The following MITF variants were observed in gnomAD, a reference collection of about 807,000 sequenced individuals.
MITF encodes the protein melanocyte inducing transcription factor.
A neutral mutation model predicts 60.5 loss-of-function variants in MITF; 17 were observed. That is an observed-to-expected ratio of 0.28 (90% CI 0.19 to 0.42). MITF has a LOEUF of 0.42. MITF is among the 10% of genes least tolerant of loss of function. The probability of loss-of-function intolerance (pLI) is 1.00; values close to 1 mark genes in which losing one functional copy is unlikely to be tolerated. For missense variants in MITF, 622 were observed against 683.5 expected, an observed-to-expected ratio of 0.91 and a Z score of 1.00; for synonymous variants, 260 against 248.5, an observed-to-expected ratio of 1.05 and a Z score of -0.43.
At chr3:69,913,777 G>A (rs571320699) in intron 2 of MITF, among the ~76,000 whole-genome samples, 3 of 152,214 alleles carry the variant, frequency 2.0e-5, no homozygotes, top group Non-Finnish European at 2.9e-5. Context: ...ATGATAAAAC[G>A]AAGGCCCTTG....
chr3:69,801,880 A>G (rs867575130), intron 1 of MITF, among the ~76,000 whole-genome samples: 75 of 152,206 alleles, frequency 4.9e-4, no homozygotes, highest in African/African-American at 1.7e-3. Context: ...GGAGTAAGAG[A>G]ACTGCAATCT....
chr3:69,862,664 C>G (rs979138726), intron 1 of MITF, among the ~76,000 whole-genome samples: 2 of 152,110 alleles, frequency 1.3e-5, no homozygotes, highest in African/African-American at 4.8e-5. Flanking sequence ...TTGAATTTTT[C>G]CTTCCAAAAA....
intron 2 of MITF, among the ~76,000 whole-genome samples, chr3:69,913,279 CT>C (rs1013835027): frequency 2.6e-5 from 4 of 151,676 alleles, no homozygotes; most frequent in African/African-American, 9.7e-5. Flanking sequence ...TTATATTTGT[CT>C]TTATTCTTTT....
Position 69,967,813 on chromosome 3 carries a change from T to C in MITF, c.*2565T>C, listed in dbSNP as rs1428130034. ...CTTGTTGTTTGTAACAAGAAAATGATCCACACCACTCCCCCGATTCCCGGG... is the reference window on the plus strand; with the variant it reads ...CTTGTTGTTTGTAACAAGAAAATGACCCACACCACTCCCCCGATTCCCGGG... On this transcript the variant is annotated 3_prime_UTR_variant, in exon 10 of 10. Coordinates refer to ENST00000352241, the MANE Select transcript of MITF (RefSeq NM_001354604.2). 4.3e-6 allele frequency: 1 copy of C among 233,016 alleles called. No individual in the cohort carries two copies. The highest frequency in any genetic ancestry group is 8.5e-6 in the Non-Finnish European group (1 of 117,940). 14.4% of individuals were successfully genotyped at this position (233,016 alleles called of 1,614,324 possible).
intron 2 of MITF, among the ~76,000 whole-genome samples, chr3:69,899,585 G>C (rs2064953099): frequency 6.6e-6 from 1 of 152,080 alleles, no homozygotes; most frequent in Non-Finnish European, 1.5e-5. Context: ...TCATCTCAGG[G>C]GGTTATCATT....
At chr3:69,831,015 C>T (rs9874957) in intron 1 of MITF, among the ~76,000 whole-genome samples, 3,358 of 152,234 alleles carry the variant, frequency 0.022, 118 homozygotes, top group African/African-American at 0.076. Flanking sequence ...TAGCTGACTT[C>T]TCTACCCCTC....
At chr3:69,786,409 T>A (rs912154179) in intron 1 of MITF, among the ~76,000 whole-genome samples, 1 of 152,196 alleles carries the variant, frequency 6.6e-6, no homozygotes, top group Non-Finnish European at 1.5e-5. Flanking sequence ...GGTAAGACGC[T>A]TTTGAAGTTC....
intron 2 of MITF, among the ~76,000 whole-genome samples, chr3:69,917,942 G>T (rs1396637885): frequency 1.3e-5 from 2 of 152,134 alleles, no homozygotes; most frequent in Non-Finnish European, 2.9e-5. Flanking sequence ...TCAATAGAAA[G>T]ACAAATACCA....
At chr3:69,871,649 C>T (rs768633872) in intron 1 of MITF, among the ~76,000 whole-genome samples, 8 of 152,282 alleles carry the variant, frequency 5.3e-5, no homozygotes, top group Non-Finnish European at 8.8e-5. Context: ...TCTTGGTTGA[C>T]GTGTGCTAGA....
intron 2 of MITF, among the ~76,000 whole-genome samples, chr3:69,900,610 G>C (rs937483674): frequency 6.6e-5 from 10 of 152,266 alleles, no homozygotes; most frequent in Non-Finnish European, 1.0e-4. Flanking sequence ...GGGTAAAAAG[G>C]GGGAGGCAGA....
intron 1 of MITF, among the ~76,000 whole-genome samples, chr3:69,759,066 A>G (rs2062172852): frequency 1.3e-5 from 2 of 152,240 alleles, no homozygotes; most frequent in Admixed American, 1.3e-4. Context: ...TTGTTTTATA[A>G]AGCTGCTACA....
intron 1 of MITF, among the ~76,000 whole-genome samples, chr3:69,762,489 A>G (rs2062226750): frequency 6.6e-6 from 1 of 152,188 alleles, no homozygotes; most frequent in African/African-American, 2.4e-5. Flanking sequence ...CCATTGAGAT[A>G]TTATCGACAG....
In MITF at chr3:69,809,107, A is replaced by G. The variant is rs968307234; in HGVS notation, c.104+69406A>G. On this transcript the variant is annotated intron_variant, in intron 1 of 9. Transcript: ENST00000352241. Reference sequence around the variant, plus strand: ...CTTAAGAGTTTGGAAACAGACTCTTATGGTGAAGGAAGGGTATTTAAAATT... The same window carrying G: ...CTTAAGAGTTTGGAAACAGACTCTTGTGGTGAAGGAAGGGTATTTAAAATT... 2.0e-5 allele frequency among the ~76,000 whole-genome samples: 3 copies of G among 152,196 alleles called. 1 individual carries two copies. The highest frequency in any genetic ancestry group is 4.1e-4 in the South Asian group (2 of 4,822).
intron 1 of MITF, among the ~76,000 whole-genome samples, chr3:69,762,234 C>A (rs9855968): frequency 6.6e-6 from 1 of 152,070 alleles, no homozygotes; most frequent in Non-Finnish European, 1.5e-5. Context: ...TAGTTAATGG[C>A]TTTAATGGTG....
chr3:69,943,120 G>A, intron 5 of MITF, among the ~76,000 whole-genome samples: 1 of 143,702 alleles, frequency 7.0e-6, no homozygotes, highest in Non-Finnish European at 1.5e-5. Flanking sequence ...TTGTTGCCCA[G>A]GCTGATCTTG....
rs143813496 is a variant in MITF at position 69,843,292 on chromosome 3, C to T, written c.105-35842C>T. 4.7e-3 allele frequency among the ~76,000 whole-genome samples: 713 copies of T among 152,130 alleles called. 7 individuals carry two copies. Among genetic ancestry groups the T allele is most frequent in the African/African-American group, 0.016 (651 of 41,466 alleles). On this transcript the variant is annotated intron_variant, in intron 1 of 9. Transcript: ENST00000352241. Reference sequence around the variant, plus strand: ...CCAAAGTGTCAATATTGAAAGAAGGCGTGAGAAATTTACATTTATCAAAAG... The same window carrying T: ...CCAAAGTGTCAATATTGAAAGAAGGTGTGAGAAATTTACATTTATCAAAAG...
intron 1 of MITF, among the ~76,000 whole-genome samples, chr3:69,819,653 A>G (rs1219934709): frequency 1.3e-5 from 2 of 151,744 alleles, no homozygotes; most frequent in Non-Finnish European, 3.0e-5. Context: ...AAACAAACAA[A>G]AACTACAAAA....
intron 1 of MITF, among the ~76,000 whole-genome samples, chr3:69,761,030 C>T (rs186613969): frequency 1.4e-4 from 22 of 152,226 alleles, no homozygotes; most frequent in Admixed American, 3.3e-4. Flanking sequence ...CAACAGAGCA[C>T]AAAGAACAAT....
At chr3:69,905,460 G>A (rs548600762) in intron 2 of MITF, among the ~76,000 whole-genome samples, 19 of 151,548 alleles carry the variant, frequency 1.3e-4, no homozygotes, top group South Asian at 2.1e-4. Context: ...ACAGGTCTTC[G>A]TGTGGATTCA....
Sources: gnomAD v4.1 joint callset for allele counts (sites outside exome capture counted in the v4.1 genomes callset) on GRCh38, gnomAD v4.1.1 for gene constraint, MANE v1.5 for transcripts, NCBI Gene and HGNC (gene_info 2026-07-23, HGNC 2026-07-21) for gene names.